ITGA4: variants seen among roughly 807,000 people sequenced by gnomAD.
The protein encoded by ITGA4 is integrin subunit alpha 4.
Under a neutral mutation model 133.6 loss-of-function variants are expected in ITGA4, and 63 were observed. That is an observed-to-expected ratio of 0.47 (90% CI 0.38 to 0.58). The LOEUF is 0.58. ITGA4 is among the 20% of genes least tolerant of loss of function. The pLI, the probability that ITGA4 is intolerant of heterozygous loss-of-function variation, is 0.00. For missense variants in ITGA4, 1,076 were observed against 1,252.7 expected (o/e 0.86, Z 2.13); for synonymous variants, 483 against 438.0 (o/e 1.10, Z -1.28).
intron 2 of ITGA4, among the ~76,000 whole-genome samples, chr2:181,466,675 A>C (rs1685424185): frequency 1.3e-5 from 2 of 152,190 alleles, no homozygotes; most frequent in African/African-American, 2.4e-5. Flanking sequence ...AGATGTGTGA[A>C]AAGAGTACAT....
At chr2:181,521,425 C>T (rs1686718464) in intron 17 of ITGA4, among the ~76,000 whole-genome samples, 1 of 152,094 alleles carries the variant, frequency 6.6e-6, no homozygotes, top group Non-Finnish European at 1.5e-5. Context: ...ATACATAACC[C>T]AGATCTTCAG....
At chr2:181,530,050 T>C (rs1020502312) in intron 23 of ITGA4, among the ~76,000 whole-genome samples, 8 of 152,214 alleles carry the variant, frequency 5.3e-5, no homozygotes, top group African/African-American at 1.7e-4. Context: ...AAACCACTTC[T>C]TAAGAACCGA....
chr2:181,530,907 T>C (rs1686931841), intron 24 of ITGA4, among the ~76,000 whole-genome samples: 1 of 151,976 alleles, frequency 6.6e-6, no homozygotes, highest in Non-Finnish European at 1.5e-5. Flanking sequence ...GGTGGGCAGA[T>C]CACAAGGTCA....
At chr2:181,480,357 C>G in intron 6 of ITGA4, 91 bp downstream of exon 6, 1 of 670,326 alleles carries the variant, frequency 1.5e-6, no homozygotes, top group Non-Finnish European at 2.3e-6. Context: ...TTCCAAAGAT[C>G]TAAATGGCCA....
At chr2:181,506,678 C>A (rs534886548) in intron 15 of ITGA4, among the ~76,000 whole-genome samples, 1 of 152,108 alleles carries the variant, frequency 6.6e-6, no homozygotes, top group South Asian at 2.1e-4. Flanking sequence ...TGATTTTTAT[C>A]AAAAGTTACT....
intron 10 of ITGA4, among the ~76,000 whole-genome samples, chr2:181,492,355 A>T (rs1189630252): frequency 6.6e-6 from 1 of 152,252 alleles, no homozygotes; most frequent in East Asian, 1.9e-4. Flanking sequence ...TTATATATCA[A>T]AGATATTTTT....
intron 17 of ITGA4, among the ~76,000 whole-genome samples, chr2:181,520,138 C>T (rs1007512695): frequency 6.6e-6 from 1 of 152,056 alleles, no homozygotes; most frequent in Non-Finnish European, 1.5e-5. Flanking sequence ...AAGCTGCCAC[C>T]TTACGCTGTT....
At chr2:181,534,106 A>G (rs1262169948) in intron 25 of ITGA4, among the ~76,000 whole-genome samples, 166 bp from the exon 26 acceptor site, 1 of 152,216 alleles carries the variant, frequency 6.6e-6, no homozygotes, top group African/African-American at 2.4e-5. Context: ...AATTAATACC[A>G]AGACCACACT....
rs768315766 is a variant in ITGA4 at position 181,475,294 on chromosome 2, G to T, written c.556+6G>T. On this transcript the variant is annotated splice_donor_region_variant and intron_variant, in intron 4 of 27. Transcript: ENST00000397033. ...AATAGCTCCGTGTTATCAAGGTAAG[G>T]CATGATTTTGATACGAATTAGATAA... is the stretch of plus-strand genomic sequence containing the variant. 1 of 1,605,270 alleles carries T rather than the reference G, an allele frequency of 6.2e-7. No individual in the cohort carries two copies. The highest frequency in any genetic ancestry group is 8.5e-7 in the Non-Finnish European group (1 of 1,174,652).
At chr2:181,533,693 A>G (rs1686992988) in intron 25 of ITGA4, among the ~76,000 whole-genome samples, 1 of 152,194 alleles carries the variant, frequency 6.6e-6, no homozygotes, top group Non-Finnish European at 1.5e-5. Context: ...AATGTTAAAT[A>G]ACATTTACAC....
At chr2:181,472,080 G>A (rs1685567309) in intron 2 of ITGA4, among the ~76,000 whole-genome samples, 1 of 152,198 alleles carries the variant, frequency 6.6e-6, no homozygotes, top group African/African-American at 2.4e-5. Flanking sequence ...GTAGTTTGTG[G>A]TGTGTGTAAA....
At chr2:181,500,637 T>C (rs1219081031) in intron 15 of ITGA4, among the ~76,000 whole-genome samples, 1 of 152,122 alleles carries the variant, frequency 6.6e-6, no homozygotes, top group Non-Finnish European at 1.5e-5. Flanking sequence ...TGAAATGAAG[T>C]GGCACTTGTT....
chr2:181,488,524 C>T (rs1019391752), intron 10 of ITGA4, among the ~76,000 whole-genome samples: 3 of 151,886 alleles, frequency 2.0e-5, no homozygotes, highest in African/African-American at 4.8e-5. Flanking sequence ...GTTTATAATG[C>T]CATATATCTT....
At position 181,523,526 on chromosome 2, in the gene ITGA4, C is replaced by T. The variant is rs1459340889; in HGVS notation, c.2163C>T (p.Leu721=). ...CSIGYIYVDH[L]SRIDISFLLD... is the part of the protein sequence containing the mutation. ...TTGGCTATATATATGTAGATCATCTCTCAAGGGTAAGTGTTTCATATTTAT... is the reference window on the plus strand; with the variant it reads ...TTGGCTATATATATGTAGATCATCTTTCAAGGGTAAGTGTTTCATATTTAT... Residue 721 remains leucine, a synonymous_variant, in exon 19 of 28, where the codon CTC becomes CTT. Coordinates refer to ENST00000397033, the MANE Select transcript of ITGA4 (RefSeq NM_000885.6). This position sits in a 1 kb window ranked among gnomAD's most constrained non-coding sequence, Gnocchi z 4.2. 2 of 1,556,788 alleles carry T rather than the reference C, an allele frequency of 1.3e-6. No homozygotes were observed. Among genetic ancestry groups the T allele is most frequent in the South Asian group, 2.2e-5 (2 of 89,510 alleles).
rs1230423788 is a variant in ITGA4 at position 181,523,768 on chromosome 2, A to G, written c.2169+236A>G. Among the ~76,000 whole-genome samples, 1 of 152,114 alleles carries G rather than the reference A, an allele frequency of 6.6e-6. No individual in the cohort carries two copies. The highest frequency in any genetic ancestry group is 1.5e-5 in the Non-Finnish European group (1 of 68,018). On this transcript the variant is annotated intron_variant, in intron 19 of 27. Transcript: ENST00000397033. The surrounding 1 kb of genome is among the most constrained non-coding windows in gnomAD (Gnocchi z 4.2). The stretch of plus-strand genomic sequence containing the variant: ...TCGAAATGGGCATGTGCATGTGTCA[A>G]TCAGAATTCTGCTCCCCCTACACAC...
intron 5 of ITGA4, 151 bp from the exon 6 acceptor site, chr2:181,479,986 T>C (rs1685767317): frequency 2.2e-6 from 1 of 458,664 alleles, no homozygotes; most frequent in African/African-American, 2.0e-5. Flanking sequence ...CTGGCTTTTT[T>C]TTTTTCCTAG....
chr2:181,495,176 A>G lies in ITGA4; in HGVS notation c.1340-195A>G, dbSNP rs1412580178. ...GTCATAAAGTTTATGATATATCATA[A>G]TGGGATGAATGTTGTACATGAATAG... On this transcript the variant is annotated intron_variant, in intron 12 of 27. Coordinates refer to ENST00000397033, the MANE Select transcript of ITGA4 (RefSeq NM_000885.6). The surrounding 1 kb of genome is among the most constrained non-coding windows in gnomAD (Gnocchi z 4.3). 6.6e-6 allele frequency among the ~76,000 whole-genome samples: 1 copy of G among 152,206 alleles called. No homozygotes were observed. Among genetic ancestry groups the G allele is most frequent in the Non-Finnish European group, 1.5e-5 (1 of 68,024 alleles).
rs56227826 is a variant in ITGA4, at chr2:181,495,291, G to A, written c.1340-80G>A. Reference sequence around the variant, plus strand: ...TGTTTTAGGTAGTCAAAGGTGATACGTAGTTAAGTATTTATGGCTGAAAAA... The same window carrying A: ...TGTTTTAGGTAGTCAAAGGTGATACATAGTTAAGTATTTATGGCTGAAAAA... On this transcript the variant is annotated intron_variant, in intron 12 of 27. Coordinates refer to ENST00000397033, the MANE Select transcript of ITGA4 (RefSeq NM_000885.6). This position sits in a 1 kb window ranked among gnomAD's most constrained non-coding sequence, Gnocchi z 4.3. 9.9e-5 allele frequency: 97 copies of A among 984,610 alleles called. No homozygotes were observed. The highest frequency in any genetic ancestry group is 2.7e-4 in the South Asian group (21 of 77,380). 61.0% of individuals were successfully genotyped at this position (984,610 alleles called of 1,614,324 possible).
At chr2:181,534,973 A>G (rs1215872727) in intron 27 of ITGA4, 38 bp downstream of exon 27, 1 of 1,526,028 alleles carries the variant, frequency 6.6e-7, no homozygotes, top group Non-Finnish European at 8.7e-7. Flanking sequence ...GTCTACTAAA[A>G]ATGACATTTT....
Sources: gnomAD v4.1 joint callset for allele counts (sites outside exome capture counted in the v4.1 genomes callset) on GRCh38, gnomAD v4.1.1 for gene constraint, Gnocchi (gnomAD v3.1) non-coding constraint, MANE v1.5 for transcripts, NCBI Gene and HGNC (gene_info 2026-07-23, HGNC 2026-07-21) for gene names.